BRMS1: variants seen among roughly 807,000 people sequenced by gnomAD.
The protein encoded by BRMS1 is BRMS1 transcriptional repressor and anoikis regulator.
Under a neutral mutation model 40.4 loss-of-function variants are expected in BRMS1, and 26 were observed. The ratio of observed to expected loss-of-function variants is 0.64; its 90% CI spans 0.47 to 0.89. The LOEUF (loss-of-function observed/expected upper bound fraction) is 0.89, where lower values mean the gene tolerates loss of function less well. BRMS1 is among the 40% of genes least tolerant of loss of function. The probability of loss-of-function intolerance (pLI) is 0.00; values close to 1 mark genes in which losing one functional copy is unlikely to be tolerated. For synonymous variants in BRMS1, 103 were observed against 116.0 expected, an observed-to-expected ratio of 0.89 and a Z score of 0.72; for missense variants, 289 against 309.4, an observed-to-expected ratio of 0.93 and a Z score of 0.49.
At chr11:66,338,674 G>C in intron 8 of BRMS1, 47 bp downstream of exon 8, 1 of 1,613,434 alleles carries the variant, frequency 6.2e-7, no homozygotes, top group Non-Finnish European at 8.5e-7. Flanking sequence ...TGCCAGGGTG[G>C]GGGGCCCTGA....
intron 8 of BRMS1, chr11:66,338,488 C>A (rs764867692): frequency 6.6e-7 from 1 of 1,524,822 alleles, no homozygotes; most frequent in East Asian, 2.5e-5. Flanking sequence ...CACCCTCCCA[C>A]CCCATCAAAA....
chr11:66,341,125 G>C lies in BRMS1; in HGVS notation c.359-79C>G. 6.2e-7 allele frequency: 1 copy of C among 1,612,164 alleles called. No homozygotes were observed. The highest frequency in any genetic ancestry group is 1.1e-5 in the South Asian group (1 of 91,052). ...TAGGAGGGCTGAGAGCAAAGGGCAA[G>C]GCCGGGCAGGAACGAGAGAGGAAGG... On this transcript the variant is annotated intron_variant, in intron 4 of 9. Transcript: ENST00000359957. The surrounding 1 kb of genome is among the most constrained non-coding windows in gnomAD (Gnocchi z 4.9).
chr11:66,340,074 A>C (rs1590927804), intron 7 of BRMS1, 47 bp downstream of exon 7: 2 of 1,541,308 alleles, frequency 1.3e-6, no homozygotes, highest in Non-Finnish European at 1.8e-6. Context: ...TCTGGAGTTG[A>C]CCCTTACATC....
In BRMS1 at chr11:66,341,261, G is replaced by C; in HGVS notation, c.303C>G (p.Tyr101Ter). The change falls in exon 4 of 10, where the codon TAC (tyrosine) becomes TAG (stop). Residue 101 changes from tyrosine to a stop codon, truncating the protein, a stop_gained. Coordinates refer to ENST00000359957, the MANE Select transcript of BRMS1 (RefSeq NM_015399.4). LOFTEE classifies it high-confidence loss of function. The surrounding 1 kb of genome is among the most constrained non-coding windows in gnomAD (Gnocchi z 4.9). ...GCTGCAGCCCCCCAAGGGGCTCCGTGTATTCAGGGGCTCTCTCAGCCCCCA... is the reference window on the plus strand; with the variant it reads ...GCTGCAGCCCCCCAAGGGGCTCCGTCTATTCAGGGGCTCTCTCAGCCCCCA... ...EEVGAERAPE[Y>*]TEPLGGLQRS... The C allele has an allele frequency of 1.9e-6, 3 of 1,613,714 alleles. No homozygotes were observed. Among genetic ancestry groups the C allele is most frequent in the African/African-American group, 1.3e-5 (1 of 75,034 alleles).
chr11:66,339,477 G>A (rs1229020294), intron 7 of BRMS1, among the ~76,000 whole-genome samples: 5 of 152,232 alleles, frequency 3.3e-5, no homozygotes, highest in African/African-American at 1.2e-4. Flanking sequence ...GACCAGAAGA[G>A]GCCTCACAGA....
chr11:66,341,821 T>C lies in BRMS1; in HGVS notation c.140-198A>G. Reference sequence around the variant, plus strand: ...TGTAGGGGCTGTGTGTGCATATGCGTGCGTGCTTGTGTGAAGGGGCTGTGT... The same window carrying C: ...TGTAGGGGCTGTGTGTGCATATGCGCGCGTGCTTGTGTGAAGGGGCTGTGT... On this transcript the variant is annotated intron_variant, in intron 2 of 9. Coordinates refer to ENST00000359957, the MANE Select transcript of BRMS1 (RefSeq NM_015399.4). This position sits in a 1 kb window ranked among gnomAD's most constrained non-coding sequence, Gnocchi z 4.9. The C allele has an allele frequency of 1.5e-6, 1 of 671,388 alleles. No individual in the cohort carries two copies. Among genetic ancestry groups the C allele is most frequent in the Non-Finnish European group, 2.7e-6 (1 of 375,366 alleles). The allele number at this position is 671,388 out of a possible 1,614,324, so 41.6% of individuals were successfully genotyped here.
Position 66,341,298 on chromosome 11 carries a change from C to A in BRMS1, c.266G>T (p.Arg89Leu), listed in dbSNP as rs564172836. ...TCTCTCAGCCCCCACTTCCTCCAGC[C>A]GCAACCGCAGCTGACTCAGTCGTTC... Reference protein sequence around the residue: ...FRERLSQLRLRLEEVGAERAP... With the variant: ...FRERLSQLRLLLEEVGAERAP... Residue 89 changes from arginine to leucine, a missense_variant, in exon 4 of 10, where the codon CGG becomes CTG. Physicochemically the swap from Arg to Leu is moderately radical, Grantham distance 102. Transcript: ENST00000359957. The surrounding 1 kb of genome is among the most constrained non-coding windows in gnomAD (Gnocchi z 4.9). The A allele has an allele frequency of 7.9e-5, 128 of 1,613,430 alleles. No individual in the cohort carries two copies. The highest frequency in any genetic ancestry group is 1.1e-4 in the Non-Finnish European group (124 of 1,179,562).
chr11:66,342,009 TGCTTGTGTGTAGGG>T, intron 2 of BRMS1, 73 bp downstream of exon 2: 1 of 1,447,720 alleles, frequency 6.9e-7, no homozygotes. Flanking sequence ...TGTGCGTGCA[TGCTTGTGTGTAGGG>T]GCTGTGTGTG....
At chr11:66,340,898 G>A (rs1165492308) in intron 5 of BRMS1, 28 bp from the exon 6 acceptor site, 1 of 1,613,720 alleles carries the variant, frequency 6.2e-7, no homozygotes, top group East Asian at 2.2e-5. Context: ...AGCTCAGCAG[G>A]ACGGATGGGG....
At chr11:66,343,714 G>C (rs1467058848) in intron 1 of BRMS1, among the ~76,000 whole-genome samples, 1 of 152,176 alleles carries the variant, frequency 6.6e-6, no homozygotes, top group Admixed American at 6.5e-5. Context: ...CAGGGATTTG[G>C]TCGTCAGCAT....
Position 66,337,351 on chromosome 11 carries a change from T to G in BRMS1, c.*531A>C. The G allele has an allele frequency of 9.1e-6, 3 of 330,314 alleles. No homozygotes were observed. The highest frequency in any genetic ancestry group is 1.7e-5 in the Non-Finnish European group (3 of 176,686). The allele number at this position is 330,314 out of a possible 1,614,324, so 20.5% of individuals were successfully genotyped here. ...GGGCACGCCAGAGTCCCAGGAAAGGTTTTAATTCCAGTCCTTGGAATCTGA... is the reference window on the plus strand; with the variant it reads ...GGGCACGCCAGAGTCCCAGGAAAGGGTTTAATTCCAGTCCTTGGAATCTGA... On this transcript the variant is annotated 3_prime_UTR_variant, in exon 10 of 10. Coordinates refer to ENST00000359957, the MANE Select transcript of BRMS1 (RefSeq NM_015399.4).
chr11:66,338,298 G>T lies in BRMS1; in HGVS notation c.694-16C>A. Reference sequence around the variant, plus strand: ...CTGCCCTAGCCTGGGTGGGTGAGAAGAAAAGCTCCCCTGAGAGCCCACCTC... The same window carrying T: ...CTGCCCTAGCCTGGGTGGGTGAGAATAAAAGCTCCCCTGAGAGCCCACCTC... On this transcript the variant is annotated splice_polypyrimidine_tract_variant and intron_variant, in intron 8 of 9. Transcript: ENST00000359957. The T allele has an allele frequency of 6.2e-7, 1 of 1,604,676 alleles. No individual in the cohort carries two copies. The highest frequency in any genetic ancestry group is 2.2e-5 in the East Asian group (1 of 44,610).
In BRMS1 at chr11:66,342,246, GAGA is replaced by G; in HGVS notation, c.-7-8_-7-6del. ...GGCTGGACAGGCATCTGGACTCTGG[GAGA>G]AGGAATGGAGCTATCACTTATGGCT... On this transcript the variant is annotated splice_region_variant and splice_polypyrimidine_tract_variant and intron_variant, in intron 1 of 9. Coordinates refer to ENST00000359957, the MANE Select transcript of BRMS1 (RefSeq NM_015399.4). The G allele has an allele frequency of 6.2e-7, 1 of 1,611,886 alleles. No individual in the cohort carries two copies. Among genetic ancestry groups the G allele is most frequent in the South Asian group, 1.1e-5 (1 of 91,072 alleles).
At chr11:66,344,128 A>G (rs1263188707) in intron 1 of BRMS1, among the ~76,000 whole-genome samples, 1 of 152,210 alleles carries the variant, frequency 6.6e-6, no homozygotes, top group Non-Finnish European at 1.5e-5. Flanking sequence ...CAATCAGTCT[A>G]TGAGCCTCAC....
In BRMS1 at chr11:66,340,824, TCCTGCAGCTCCC is replaced by T. The variant is rs1387832468; in HGVS notation, c.473_484del (p.Gly158_Gln161del). 1 of 1,613,914 alleles carries T rather than the reference TCCTGCAGCTCCC, an allele frequency of 6.2e-7. No individual in the cohort carries two copies. The stretch of plus-strand genomic sequence containing the variant: ...GTCCTCCTCCAGCCTCTGGATCCGC[TCCTGCAGCTCCC>T]CCTGCAGCGTGTCATAGAGCAGCAG... On this transcript the variant is annotated inframe_deletion, in exon 6 of 10. Coordinates refer to ENST00000359957, the MANE Select transcript of BRMS1 (RefSeq NM_015399.4).
Position 66,341,832 on chromosome 11 carries a change from G to T in BRMS1, c.140-209C>A. 1 of 668,020 alleles carries T rather than the reference G, an allele frequency of 1.5e-6. No homozygotes were observed. Among genetic ancestry groups the T allele is most frequent in the Non-Finnish European group, 2.7e-6 (1 of 373,988 alleles). 41.4% of individuals were successfully genotyped at this position (668,020 alleles called of 1,614,324 possible). On this transcript the variant is annotated intron_variant, in intron 2 of 9. Coordinates refer to ENST00000359957, the MANE Select transcript of BRMS1 (RefSeq NM_015399.4). This position sits in a 1 kb window ranked among gnomAD's most constrained non-coding sequence, Gnocchi z 4.9. ...TGTGTGCATATGCGTGCGTGCTTGT[G>T]TGAAGGGGCTGTGTGCACGTGTACT...
rs770079933 is a variant in BRMS1, at chr11:66,341,650, G to T, written c.140-27C>A. On this transcript the variant is annotated intron_variant, in intron 2 of 9. Coordinates refer to ENST00000359957, the MANE Select transcript of BRMS1 (RefSeq NM_015399.4). This position sits in a 1 kb window ranked among gnomAD's most constrained non-coding sequence, Gnocchi z 4.9. ...TGGGACAAGAGGCCAGTAAGGGCTA[G>T]CTCTGGGGAGGAGTGGTGGGTACCC... 6.2e-7 allele frequency: 1 copy of T among 1,602,090 alleles called. No homozygotes were observed. Among genetic ancestry groups the T allele is most frequent in the East Asian group, 2.2e-5 (1 of 44,840 alleles).
At chr11:66,340,914 C>A in intron 5 of BRMS1, 44 bp from the exon 6 acceptor site, 1 of 1,613,486 alleles carries the variant, frequency 6.2e-7, no homozygotes, top group Non-Finnish European at 8.5e-7. Context: ...TGGGGTGAGG[C>A]CACTTCAGGC....
At chr11:66,338,399 C>G in intron 8 of BRMS1, 117 bp from the exon 9 acceptor site, 1 of 1,530,184 alleles carries the variant, frequency 6.5e-7, no homozygotes. Flanking sequence ...CCCCCAGGAC[C>G]GGGAGCATAG....
Sources: allele counts gnomAD v4.1 joint callset (sites outside exome capture counted in the v4.1 genomes callset), GRCh38; gene constraint gnomAD v4.1.1; non-coding constraint Gnocchi (gnomAD v3.1); transcripts MANE v1.5; gene names NCBI Gene and HGNC (gene_info 2026-07-23, HGNC 2026-07-21).